The following DNAH8 variants were observed in gnomAD, a reference collection of about 807,000 sequenced individuals.
DNAH8 encodes the protein axonemal beta dynein heavy chain 8.
DNAH8 carries 382 observed loss-of-function variants against 562.1 expected under a neutral mutation model. That is an observed-to-expected ratio of 0.68 (90% CI 0.63 to 0.74). DNAH8 has a LOEUF of 0.74. Ranked by LOEUF, DNAH8 falls within the 30% of genes least tolerant of loss-of-function variation. The probability of loss-of-function intolerance (pLI) is 0.00; values close to 1 mark genes in which losing one functional copy is unlikely to be tolerated. For synonymous variants in DNAH8, 1,881 were observed against 1,919.4 expected (o/e 0.98, Z 0.52); for missense variants, 5,203 against 5,620.4 (o/e 0.93, Z 2.37).
intron 82 of DNAH8, among the ~76,000 whole-genome samples, chr6:38,969,218 CAT>C (rs750096417): frequency 9.9e-5 from 15 of 152,084 alleles, no homozygotes; most frequent in South Asian, 2.1e-4. Context: ...ACTCTAAAAA[CAT>C]ATTTTAAAAT....
chr6:38,953,532 C>G (rs1762056051), intron 82 of DNAH8, among the ~76,000 whole-genome samples: 1 of 152,182 alleles, frequency 6.6e-6, no homozygotes, highest in African/African-American at 2.4e-5. Flanking sequence ...TTTCCAACAA[C>G]AATCCAGGCT....
At chr6:38,886,642 A>AT (rs1347534850) in intron 56 of DNAH8, 149 bp from the exon 57 acceptor site, 3 of 680,940 alleles carry the variant, frequency 4.4e-6, no homozygotes, top group East Asian at 2.7e-5. Context: ...TTTAAGTCAA[A>AT]TTACCTTGAA....
intron 8 of DNAH8, chr6:38,744,045 G>C (rs376502346): frequency 6.6e-6 from 1 of 152,220 alleles, no homozygotes; most frequent in East Asian, 1.9e-4. Context: ...CAACTTTTCA[G>C]TACTAATTAT....
intron 1 of DNAH8, among the ~76,000 whole-genome samples, chr6:38,718,893 C>G (rs1762538741): frequency 6.6e-6 from 1 of 152,164 alleles, no homozygotes. Context: ...TTGACCTGTT[C>G]ATAGCTTTTT....
intron 82 of DNAH8, among the ~76,000 whole-genome samples, chr6:38,954,836 G>C (rs72853762): frequency 2.0e-5 from 3 of 152,136 alleles, no homozygotes; most frequent in African/African-American, 7.2e-5. Flanking sequence ...ATCAAGGGGA[G>C]AAAAAGTAGA....
rs777308357 is a variant in DNAH8, at chr6:38,926,007, G to A, written c.10963-48G>A. On this transcript the variant is annotated intron_variant, in intron 73 of 92. Transcript: ENST00000327475. The stretch of plus-strand genomic sequence containing the variant: ...ACAGTACTTTTAATTACTAATGAGG[G>A]CATTCCTGTTCTCCTTTGAATGGTG... 5.9e-6 allele frequency: 9 copies of A among 1,524,558 alleles called. No individual in the cohort carries two copies. In the Admixed American group the frequency reaches 1.3e-4, roughly 22 times the overall value. 94.4% of individuals were successfully genotyped at this position (1,524,558 alleles called of 1,614,324 possible).
At chr6:38,722,186 G>C (rs1388432058) in intron 1 of DNAH8, among the ~76,000 whole-genome samples, 1 of 152,172 alleles carries the variant, frequency 6.6e-6, no homozygotes, top group Non-Finnish European at 1.5e-5. Flanking sequence ...TCACTTTTCA[G>C]TGTGAACTTT....
intron 26 of DNAH8, among the ~76,000 whole-genome samples, chr6:38,816,221 C>A (rs1162668223): frequency 6.6e-6 from 1 of 152,140 alleles, no homozygotes; most frequent in Non-Finnish European, 1.5e-5. Context: ...TTTCCTGATG[C>A]TCTCCCTCCC....
chr6:38,843,975 G>A (rs1484559827), intron 35 of DNAH8, among the ~76,000 whole-genome samples: 1 of 152,106 alleles, frequency 6.6e-6, no homozygotes, highest in Non-Finnish European at 1.5e-5. Flanking sequence ...GTGCTGTGGT[G>A]TGATGATCCA....
At chr6:38,857,240 A>C (rs1039963821) in intron 41 of DNAH8, among the ~76,000 whole-genome samples, 4 of 152,220 alleles carry the variant, frequency 2.6e-5, no homozygotes, top group Non-Finnish European at 5.9e-5. Context: ...AGTATCCAAT[A>C]GTCTCAGGCC....
chr6:38,868,326 T>C, intron 48 of DNAH8, 130 bp downstream of exon 48: 1 of 888,936 alleles, frequency 1.1e-6, no homozygotes, highest in Non-Finnish European at 1.7e-6. Flanking sequence ...TGTGCAAAGC[T>C]ACCACTGTGC....
At chr6:38,805,451 T>C (rs1771180701) in intron 22 of DNAH8, 30 bp from the exon 23 acceptor site, 1 of 1,379,946 alleles carries the variant, frequency 7.2e-7, no homozygotes, top group African/African-American at 1.4e-5. Flanking sequence ...AAGTCAAATG[T>C]TATATTTTTG....
chr6:38,756,127 G>A (rs1261048606), intron 10 of DNAH8, 48 bp downstream of exon 10: 3 of 1,203,902 alleles, frequency 2.5e-6, no homozygotes, highest in Admixed American at 1.7e-5. Context: ...GAAAAAGTTA[G>A]CAAATCTTTC....
At chr6:38,987,205 G>A (rs183440289) in intron 87 of DNAH8, among the ~76,000 whole-genome samples, 4 of 152,316 alleles carry the variant, frequency 2.6e-5, no homozygotes, top group Admixed American at 2.6e-4. Flanking sequence ...TGAGCCGGGA[G>A]CACACGGAGG....
intron 53 of DNAH8, among the ~76,000 whole-genome samples, chr6:38,877,058 TAGAATCC>T (rs538191854): frequency 1.2e-3 from 179 of 152,330 alleles, no homozygotes; most frequent in African/African-American, 4.1e-3. Context: ...TGCACTCCCT[TAGAATCC>T]AGAGCCAAGC....
intron 52 of DNAH8, among the ~76,000 whole-genome samples, chr6:38,874,292 TCC>T (rs1777811928): frequency 2.1e-5 from 1 of 46,536 alleles, no homozygotes; most frequent in Non-Finnish European, 4.2e-5. Flanking sequence ...TCCCCTCCCC[TCC>T]CCTCCCCTCC....
At chr6:38,766,237 C>T (rs891136558) in intron 11 of DNAH8, among the ~76,000 whole-genome samples, 3 of 151,964 alleles carry the variant, frequency 2.0e-5, no homozygotes, top group Non-Finnish European at 2.9e-5. Context: ...GACAACATGG[C>T]TGAACTTTAT....
intron 75 of DNAH8, 31 bp downstream of exon 75, chr6:38,929,697 GAAA>G: frequency 7.6e-7 from 1 of 1,321,126 alleles, no homozygotes; most frequent in Non-Finnish European, 9.9e-7. Context: ...AAAAAAGAAA[GAAA>G]GAAAGAAAAG....
Position 38,949,526 on chromosome 6 carries a change from A to C in DNAH8, c.12204A>C (p.Gly4068=). Residue 4068 remains glycine, a synonymous_variant, in exon 81 of 93, where the codon GGA becomes GGC. Coordinates refer to ENST00000327475, the MANE Select transcript of DNAH8 (RefSeq NM_001206927.2). The part of the protein sequence containing the change: ...DAPEEEIIPD[G]YNDSLDTCHK... ...CAGAGGAGGAAATTATCCCTGATGG[A>C]TATAATGATTCACTAGATACCTGCC... 6.2e-7 allele frequency: 1 copy of C among 1,612,996 alleles called. No homozygotes were observed. Among genetic ancestry groups the C allele is most frequent in the Non-Finnish European group, 8.5e-7 (1 of 1,179,024 alleles).
Sources: allele counts gnomAD v4.1 joint callset (sites outside exome capture counted in the v4.1 genomes callset), GRCh38; gene constraint gnomAD v4.1.1; transcripts MANE v1.5; gene names NCBI Gene and HGNC (gene_info 2026-07-23, HGNC 2026-07-21).